PPP1R42: variants seen among roughly 807,000 people sequenced by gnomAD.
PPP1R42 encodes the protein leucine rich repeat containing 67.
PPP1R42 carries 34 observed loss-of-function variants against 31.0 expected under a neutral mutation model. The ratio of observed to expected loss-of-function variants is 1.10; its 90% CI spans 0.83 to 1.46. The LOEUF (loss-of-function observed/expected upper bound fraction) is 1.46, where lower values mean the gene tolerates loss of function less well. Ranked by LOEUF, PPP1R42 falls within the 40% of genes most tolerant of loss-of-function variation. PPP1R42 has a pLI of 0.00. For synonymous variants in PPP1R42, 103 were observed against 109.8 expected (o/e 0.94, Z 0.39); for missense variants, 268 against 303.0 (o/e 0.88, Z 0.86).
chr8:67,015,749 T>G (rs1248984532), intron 2 of PPP1R42, among the ~76,000 whole-genome samples: 2 of 152,052 alleles, frequency 1.3e-5, no homozygotes, highest in African/African-American at 4.8e-5. Flanking sequence ...GATAAAATAA[T>G]TAAAGGGATT....
chr8:66,985,284 T>A lies in PPP1R42; in HGVS notation c.671-3104A>T, dbSNP rs370177916. The A allele has an allele frequency of 2.4e-5, 22 of 924,864 alleles. No homozygotes were observed. The African/African-American group carries it at 3.5e-4, about 15-fold the overall frequency. The allele number at this position is 924,864 out of a possible 1,614,324, so 57.3% of individuals were successfully genotyped here. On this transcript the variant is annotated intron_variant, in intron 6 of 7. Coordinates refer to ENST00000685739, the MANE Select transcript of PPP1R42 (RefSeq NM_001364910.1). ...GGCGCTGGGAAGCGACAGTGGAGACTCGGGGTCAAAAAAGGTATTGGACTC... is the reference window on the plus strand; with the variant it reads ...GGCGCTGGGAAGCGACAGTGGAGACACGGGGTCAAAAAAGGTATTGGACTC...
chr8:67,023,069 A>T (rs911470140), intron 1 of PPP1R42, among the ~76,000 whole-genome samples: 5 of 134,718 alleles, frequency 3.7e-5, no homozygotes, highest in Admixed American at 7.3e-5. Flanking sequence ...AGTAGTTAAA[A>T]TTTTTTCTTT....
At chr8:67,022,480 A>T (rs550380581) in intron 1 of PPP1R42, among the ~76,000 whole-genome samples, 41 of 152,032 alleles carry the variant, frequency 2.7e-4, no homozygotes, top group African/African-American at 9.4e-4. Context: ...TTCACTTGTT[A>T]GTTTGCTTTT....
intron 7 of PPP1R42, among the ~76,000 whole-genome samples, chr8:66,977,720 G>A (rs376598494): frequency 1.3e-5 from 2 of 152,120 alleles, no homozygotes; most frequent in East Asian, 3.9e-4. Context: ...TGGCCAGGCT[G>A]GTCTTGAACT....
intron 5 of PPP1R42, among the ~76,000 whole-genome samples, chr8:66,995,772 T>G (rs1243471840): frequency 6.6e-6 from 1 of 152,190 alleles, no homozygotes; most frequent in African/African-American, 2.4e-5. Context: ...TCAAATAAGA[T>G]CATAGGGTTT....
At chr8:67,018,175 G>T (rs1364254381) in intron 1 of PPP1R42, among the ~76,000 whole-genome samples, 2 of 151,278 alleles carry the variant, frequency 1.3e-5, no homozygotes, top group Non-Finnish European at 2.9e-5. Context: ...GAGTGCAGTG[G>T]CACAATCTCA....
chr8:66,988,911 G>T (rs1237665314), intron 5 of PPP1R42, among the ~76,000 whole-genome samples: 1 of 151,304 alleles, frequency 6.6e-6, no homozygotes, highest in African/African-American at 2.4e-5. Flanking sequence ...AATGTGTGTT[G>T]TTGCTTTTTA....
chr8:66,982,713 C>T (rs559032671), intron 6 of PPP1R42, among the ~76,000 whole-genome samples: 2 of 152,218 alleles, frequency 1.3e-5, no homozygotes, highest in Non-Finnish European at 2.9e-5. Flanking sequence ...CTGCCTTGGC[C>T]TCCCAAAGTG....
chr8:66,984,480 G>A (rs2130926929), intron 6 of PPP1R42: 2 of 1,276,412 alleles, frequency 1.6e-6, no homozygotes, highest in Non-Finnish European at 2.3e-6. Flanking sequence ...CTCCTATCAG[G>A]TACAGTTGCC....
intron 5 of PPP1R42, among the ~76,000 whole-genome samples, chr8:66,994,980 G>A (rs1020551850): frequency 6.6e-6 from 1 of 152,140 alleles, no homozygotes; most frequent in Non-Finnish European, 1.5e-5. Context: ...TAATTACAGT[G>A]GTTTTGTTAG....
intron 5 of PPP1R42, among the ~76,000 whole-genome samples, chr8:67,001,563 T>A (rs1385105266): frequency 4.6e-5 from 7 of 152,058 alleles, no homozygotes; most frequent in Non-Finnish European, 8.8e-5. Flanking sequence ...TGAGTTTCCC[T>A]TATTGGCTTA....
intron 5 of PPP1R42, among the ~76,000 whole-genome samples, chr8:66,995,657 G>A (rs1172910279): frequency 6.6e-6 from 1 of 152,136 alleles, no homozygotes; most frequent in African/African-American, 2.4e-5. Context: ...GAGGGATATG[G>A]TGATACACAA....
At chr8:66,972,738 C>T (rs2130914011) in intron 7 of PPP1R42, among the ~76,000 whole-genome samples, 1 of 152,254 alleles carries the variant, frequency 6.6e-6, no homozygotes, top group South Asian at 2.1e-4. Flanking sequence ...TGAGTACTCC[C>T]TTTAAAATTT....
chr8:66,964,544 T>C (rs1268008380), intron 7 of PPP1R42, among the ~76,000 whole-genome samples: 1 of 152,048 alleles, frequency 6.6e-6, no homozygotes, highest in Non-Finnish European at 1.5e-5. Flanking sequence ...AAATCTATGA[T>C]TTGTGAGAGG....
At chr8:67,023,659 T>C (rs1208104546) in intron 1 of PPP1R42, among the ~76,000 whole-genome samples, 1 of 152,122 alleles carries the variant, frequency 6.6e-6, no homozygotes, top group African/African-American at 2.4e-5. Flanking sequence ...TTTTATCTCT[T>C]TTTTTTCTTT....
At chr8:66,984,338 G>A in intron 6 of PPP1R42, 1 of 1,274,472 alleles carries the variant, frequency 7.8e-7, no homozygotes, top group Admixed American at 1.7e-5. Context: ...GGTTCCTCAT[G>A]ATCATCTCCC....
In PPP1R42 at chr8:66,988,207, C is replaced by G; in HGVS notation, c.670+193G>C. On this transcript the variant is annotated intron_variant, in intron 6 of 7. Transcript: ENST00000685739. ...TAAGTATCAGGTGCTTTAATTACTTCTGAACAGCAGATGTTTTTCATGCTT... is the reference window on the plus strand; with the variant it reads ...TAAGTATCAGGTGCTTTAATTACTTGTGAACAGCAGATGTTTTTCATGCTT... The G allele has an allele frequency of 2.5e-6, 3 of 1,221,044 alleles. No homozygotes were observed. In the African/African-American group the frequency reaches 4.7e-5, roughly 19 times the overall value. The allele number at this position is 1,221,044 out of a possible 1,614,324, so 75.6% of individuals were successfully genotyped here.
At chr8:66,974,214 A>G (rs1462151164) in intron 7 of PPP1R42, among the ~76,000 whole-genome samples, 3 of 152,144 alleles carry the variant, frequency 2.0e-5, no homozygotes, top group Non-Finnish European at 4.4e-5. Flanking sequence ...ATGGTGTGCA[A>G]GGGTTCCAGT....
intron 1 of PPP1R42, among the ~76,000 whole-genome samples, chr8:67,023,344 A>C (rs920907034): frequency 6.6e-6 from 1 of 152,106 alleles, no homozygotes; most frequent in African/African-American, 2.4e-5. Flanking sequence ...TCTTGGGCGA[A>C]AGCAATCCAC....
Sources: gnomAD v4.1 joint callset for allele counts (sites outside exome capture counted in the v4.1 genomes callset) on GRCh38, gnomAD v4.1.1 for gene constraint, MANE v1.5 for transcripts, NCBI Gene and HGNC (gene_info 2026-07-23, HGNC 2026-07-21) for gene names.